The following SLC5A3 variants were observed in gnomAD, a reference collection of about 807,000 sequenced individuals.
The protein encoded by SLC5A3 is solute carrier family 5 member 3, also known as sodium/myo-inositol cotransporter.
A neutral mutation model predicts 43.2 loss-of-function variants in SLC5A3; 10 were observed. The observed-to-expected ratio is 0.23, with a 90% CI of 0.14 to 0.39. The LOEUF (loss-of-function observed/expected upper bound fraction) is 0.39, where lower values mean the gene tolerates loss of function less well. SLC5A3 is among the 10% of genes least tolerant of loss of function. SLC5A3 has a pLI of 1.00. For synonymous variants in SLC5A3, 349 were observed against 322.0 expected, an observed-to-expected ratio of 1.08 and a Z score of -0.90; for missense variants, 608 against 893.4, an observed-to-expected ratio of 0.68 and a Z score of 4.07.
chr21:34,078,029 C>T (rs181693867), intron 1 of SLC5A3, among the ~76,000 whole-genome samples: 1 of 152,216 alleles, frequency 6.6e-6, no homozygotes, highest in Non-Finnish European at 1.5e-5. Flanking sequence ...CAGGTCAACC[C>T]TAGGTCCTTG....
At chr21:34,090,551 T>C (rs1253345547) in intron 1 of SLC5A3, among the ~76,000 whole-genome samples, 2 of 152,246 alleles carry the variant, frequency 1.3e-5, no homozygotes, top group African/African-American at 4.8e-5. Flanking sequence ...TCTTTCTATA[T>C]ATAAATAACT....
In SLC5A3 at chr21:34,099,863, T is replaced by G. The variant is rs1979155474; in HGVS notation, c.*2508T>G. On this transcript the variant is annotated 3_prime_UTR_variant, in exon 2 of 2. Coordinates refer to ENST00000381151, the MANE Select transcript of SLC5A3 (RefSeq NM_006933.7). ...CTAAAGTCCCTGAAGCTTGTCTTTC[T>G]TATTGCTTCCCAGTAATAGATAATG... 2.3e-6 allele frequency: 1 copy of G among 438,554 alleles called. No homozygotes were observed. The highest frequency in any genetic ancestry group is 3.2e-6 in the Non-Finnish European group (1 of 317,152). 27.2% of individuals were successfully genotyped at this position (438,554 alleles called of 1,614,324 possible).
Position 34,094,967 on chromosome 21 carries a change from G to T in SLC5A3, c.-232G>T. The T allele has an allele frequency of 2.0e-6, 1 of 512,504 alleles. No individual in the cohort carries two copies. The highest frequency in any genetic ancestry group is 3.1e-5 in the South Asian group (1 of 32,438). The allele number at this position is 512,504 out of a possible 1,614,324, so 31.7% of individuals were successfully genotyped here. ...TGTGGAGAGTGGATTAAGAGTACGA[G>T]CTAAGTTCTCAATCCCAATTAAGAA... On this transcript the variant is annotated 5_prime_UTR_variant, in exon 2 of 2. Coordinates refer to ENST00000381151, the MANE Select transcript of SLC5A3 (RefSeq NM_006933.7).
At chr21:34,085,149 T>C (rs184085388) in intron 1 of SLC5A3, among the ~76,000 whole-genome samples, 67 of 152,368 alleles carry the variant, frequency 4.4e-4, no homozygotes, top group African/African-American at 1.6e-3. Flanking sequence ...TTTACTTGTT[T>C]AGTCTCCTTG....
In SLC5A3 at chr21:34,102,549, C is replaced by T; in HGVS notation, c.*5194C>T. On this transcript the variant is annotated 3_prime_UTR_variant, in exon 2 of 2. Coordinates refer to ENST00000381151, the MANE Select transcript of SLC5A3 (RefSeq NM_006933.7). Reference sequence around the variant, plus strand: ...TATCTGTATCATTGCTAATCTTGTGCACTTTACTTTTTGGGCAGTACCATA... The same window carrying T: ...TATCTGTATCATTGCTAATCTTGTGTACTTTACTTTTTGGGCAGTACCATA... 1 of 999,658 alleles carries T rather than the reference C, an allele frequency of 1.0e-6. No individual in the cohort carries two copies. Among genetic ancestry groups the T allele is most frequent in the Non-Finnish European group, 1.2e-6 (1 of 829,456 alleles). The allele number at this position is 999,658 out of a possible 1,614,324, so 61.9% of individuals were successfully genotyped here.
chr21:34,080,112 A>T (rs1989426777), intron 1 of SLC5A3, among the ~76,000 whole-genome samples: 1 of 152,172 alleles, frequency 6.6e-6, no homozygotes, highest in South Asian at 2.1e-4. Flanking sequence ...AGGGGAGGAT[A>T]GCTAATACCT....
At position 34,104,556 on chromosome 21, in the gene SLC5A3, C is replaced by T; in HGVS notation, c.*7201C>T. The T allele has an allele frequency of 1.0e-6, 1 of 998,488 alleles. No individual in the cohort carries two copies. Among genetic ancestry groups the T allele is most frequent in the Non-Finnish European group, 1.2e-6 (1 of 828,388 alleles). 61.9% of individuals were successfully genotyped at this position (998,488 alleles called of 1,614,324 possible). Reference sequence around the variant, plus strand: ...AACTCTAATATATCTAGAAGGAAGACTATATCTGGTGTAGACTAATATGAG... The same window carrying T: ...AACTCTAATATATCTAGAAGGAAGATTATATCTGGTGTAGACTAATATGAG... On this transcript the variant is annotated 3_prime_UTR_variant, in exon 2 of 2. Coordinates refer to ENST00000381151, the MANE Select transcript of SLC5A3 (RefSeq NM_006933.7).
At chr21:34,076,723 G>A (rs1989341620) in intron 1 of SLC5A3, among the ~76,000 whole-genome samples, 1 of 152,180 alleles carries the variant, frequency 6.6e-6, no homozygotes, top group South Asian at 2.1e-4. Flanking sequence ...TGACGGTAAA[G>A]TAATGGATGT....
chr21:34,105,576 T>C lies in SLC5A3; in HGVS notation c.*8221T>C. On this transcript the variant is annotated 3_prime_UTR_variant, in exon 2 of 2. Coordinates refer to ENST00000381151, the MANE Select transcript of SLC5A3 (RefSeq NM_006933.7). ...TATGATGCTTTGTTCAGATTTTTTGTAAGAGACCAGTTAGTACACTGGGGG... is the reference window on the plus strand; with the variant it reads ...TATGATGCTTTGTTCAGATTTTTTGCAAGAGACCAGTTAGTACACTGGGGG... 2 of 1,000,158 alleles carry C rather than the reference T, an allele frequency of 2.0e-6. No homozygotes were observed. The highest frequency in any genetic ancestry group is 1.7e-5 in the African/African-American group (1 of 57,372). The allele number at this position is 1,000,158 out of a possible 1,614,324, so 62.0% of individuals were successfully genotyped here.
chr21:34,102,363 A>T lies in SLC5A3; in HGVS notation c.*5008A>T. ...TCACCTTTAAAGGAATGTTGTGAGA[A>T]TTGATGTAATTTCTGTTTCTGTTTC... On this transcript the variant is annotated 3_prime_UTR_variant, in exon 2 of 2. Transcript: ENST00000381151. 1 of 999,834 alleles carries T rather than the reference A, an allele frequency of 1.0e-6. No homozygotes were observed. The allele number at this position is 999,834 out of a possible 1,614,324, so 61.9% of individuals were successfully genotyped here. A position where few individuals can be genotyped will look rare whatever the true frequency, so the allele number is the denominator to read the frequency against.
rs762897767 is a variant in SLC5A3 at position 34,097,899 on chromosome 21, C to T, written c.*544C>T. ...GGTTCATTTTGTTAGCATGAGCCTACGGATTCTGATTTCCCAAAGAAAGAA... is the reference window on the plus strand; with the variant it reads ...GGTTCATTTTGTTAGCATGAGCCTATGGATTCTGATTTCCCAAAGAAAGAA... On this transcript the variant is annotated 3_prime_UTR_variant, in exon 2 of 2. Coordinates refer to ENST00000381151, the MANE Select transcript of SLC5A3 (RefSeq NM_006933.7). The T allele has an allele frequency of 3.1e-4, 312 of 996,242 alleles. No homozygotes were observed. The highest frequency in any genetic ancestry group is 3.5e-4 in the Non-Finnish European group (291 of 826,506). The allele number at this position is 996,242 out of a possible 1,614,324, so 61.7% of individuals were successfully genotyped here. A position where few individuals can be genotyped will look rare whatever the true frequency, so the allele number is the denominator to read the frequency against.
chr21:34,095,759 G>A lies in SLC5A3; in HGVS notation c.561G>A (p.Leu187=), dbSNP rs752349480. Residue 187 remains leucine (L), a synonymous_variant, in exon 2 of 2, where the codon CTG becomes CTA. Coordinates refer to ENST00000381151, the MANE Select transcript of SLC5A3 (RefSeq NM_006933.7). ...GLVAVIYTDT[L]QALLMIIGAL... is the part of the protein sequence containing the mutation. The stretch of plus-strand genomic sequence containing the variant: ...TTGCAGTGATCTACACAGACACTCT[G>A]CAGGCTCTGCTCATGATCATTGGGG... 1.2e-6 allele frequency: 2 copies of A among 1,613,932 alleles called. No homozygotes were observed. The highest frequency in any genetic ancestry group is 1.3e-5 in the African/African-American group (1 of 74,874).
intron 1 of SLC5A3, among the ~76,000 whole-genome samples, chr21:34,084,212 A>G (rs1989520938): frequency 6.6e-6 from 1 of 152,230 alleles, no homozygotes; most frequent in Non-Finnish European, 1.5e-5. Flanking sequence ...TTCAGAGGAA[A>G]TACCCTAATT....
intron 1 of SLC5A3, among the ~76,000 whole-genome samples, chr21:34,074,698 TAAAAC>T (rs1435485757): frequency 6.6e-6 from 1 of 152,182 alleles, no homozygotes. Flanking sequence ...CCAGGTGTAA[TAAAAC>T]AAAAATCATT....
In SLC5A3 at chr21:34,097,233, G is replaced by A; in HGVS notation, c.2035G>A (p.Glu679Lys). ...LSKRSLRDLM[E>K]EEAVCLQMLE... ...CAAGAGGAGTCTCAGAGACCTGATG[G>A]AAGAGGAGGCTGTTTGTTTACAGAT... The change falls in exon 2 of 2, where the codon GAA becomes AAA. Residue 679 changes from glutamate to lysine, a missense_variant. Coordinates refer to ENST00000381151, the MANE Select transcript of SLC5A3 (RefSeq NM_006933.7). The A allele has an allele frequency of 6.2e-7, 1 of 1,614,096 alleles. No homozygotes were observed. The highest frequency in any genetic ancestry group is 8.5e-7 in the Non-Finnish European group (1 of 1,179,940).
At chr21:34,077,045 C>T (rs575097064) in intron 1 of SLC5A3, among the ~76,000 whole-genome samples, 3 of 152,276 alleles carry the variant, frequency 2.0e-5, no homozygotes, top group East Asian at 3.9e-4. Context: ...GGTCTATATC[C>T]ACCTCCACCC....
At chr21:34,090,365 C>T (rs546112754) in intron 1 of SLC5A3, among the ~76,000 whole-genome samples, 131 of 152,292 alleles carry the variant, frequency 8.6e-4, no homozygotes, top group African/African-American at 2.9e-3. Flanking sequence ...TTTCCTAGAA[C>T]TTGAGTCAAG....
Position 34,103,993 on chromosome 21 carries a change from A to C in SLC5A3, c.*6638A>C. Reference sequence around the variant, plus strand: ...TTGGGGTTTTTTGTAAAAAATCTTAAATCTTTTAGGAAATATTACCTCTTA... The same window carrying C: ...TTGGGGTTTTTTGTAAAAAATCTTACATCTTTTAGGAAATATTACCTCTTA... On this transcript the variant is annotated 3_prime_UTR_variant, in exon 2 of 2. Transcript: ENST00000381151. 1 of 1,000,092 alleles carries C rather than the reference A, an allele frequency of 1.0e-6. No individual in the cohort carries two copies. Among genetic ancestry groups the C allele is most frequent in the Non-Finnish European group, 1.2e-6 (1 of 829,880 alleles). 62.0% of individuals were successfully genotyped at this position (1,000,092 alleles called of 1,614,324 possible).
chr21:34,075,476 C>G (rs779169988), intron 1 of SLC5A3, among the ~76,000 whole-genome samples: 2 of 151,896 alleles, frequency 1.3e-5, no homozygotes, highest in Non-Finnish European at 2.9e-5. Flanking sequence ...TAGTTCAGAT[C>G]AACAGAGCGT....
Sources: gnomAD v4.1 joint callset for allele counts (sites outside exome capture counted in the v4.1 genomes callset) on GRCh38, gnomAD v4.1.1 for gene constraint, MANE v1.5 for transcripts, NCBI Gene and HGNC (gene_info 2026-07-23, HGNC 2026-07-21) for gene names.